ASIC2: variants seen among roughly 807,000 people sequenced by gnomAD.
The protein encoded by ASIC2 is acid sensing ion channel subunit 2.
Under a neutral mutation model 57.3 loss-of-function variants are expected in ASIC2, and 25 were observed. The ratio of observed to expected loss-of-function variants is 0.44; its 90% CI spans 0.32 to 0.61. The LOEUF (loss-of-function observed/expected upper bound fraction) is 0.61. ASIC2 is among the 20% of genes least tolerant of loss of function. The pLI, the probability that ASIC2 is intolerant of heterozygous loss-of-function variation, is 0.06. For missense variants in ASIC2, 641 were observed against 738.1 expected, an observed-to-expected ratio of 0.87 and a Z score of 1.52; for synonymous variants, 319 against 307.5, an observed-to-expected ratio of 1.04 and a Z score of -0.39.
At chr17:33,371,208 G>A (rs780424367) in intron 1 of ASIC2, among the ~76,000 whole-genome samples, 31 of 152,212 alleles carry the variant, frequency 2.0e-4, no homozygotes, top group Non-Finnish European at 3.1e-4. Flanking sequence ...GGTCTGTTTA[G>A]TAAATGTTAT....
chr17:33,130,377 G>A (rs2092341067), intron 1 of ASIC2, among the ~76,000 whole-genome samples: 1 of 152,138 alleles, frequency 6.6e-6, no homozygotes, highest in Non-Finnish European at 1.5e-5. Flanking sequence ...AATATTGTAG[G>A]ACTTGGGTGA....
At chr17:33,665,106 C>T (rs752858069) in intron 1 of ASIC2, among the ~76,000 whole-genome samples, 1 of 152,004 alleles carries the variant, frequency 6.6e-6, no homozygotes, top group South Asian at 2.1e-4. Flanking sequence ...CAAGGTCACA[C>T]GATTCCTCAA....
chr17:33,993,725 G>T, intron 1 of ASIC2, among the ~76,000 whole-genome samples: 1 of 108,834 alleles, frequency 9.2e-6, no homozygotes, highest in Admixed American at 9.6e-5. Flanking sequence ...AAGTGGGAGA[G>T]AACTGAACTG....
chr17:33,737,071 T>A (rs990663338), intron 1 of ASIC2, among the ~76,000 whole-genome samples: 37 of 152,278 alleles, frequency 2.4e-4, no homozygotes, highest in African/African-American at 8.9e-4. Flanking sequence ...AATCTATTCA[T>A]CTATTCCTGT....
intron 1 of ASIC2, among the ~76,000 whole-genome samples, chr17:34,099,112 G>A (rs62059039): frequency 0.32 from 16,844 of 52,002 alleles, 1,583 homozygotes; most frequent in South Asian, 0.45. Flanking sequence ...AAGAGAGAGA[G>A]AGAGAGAGAG....
At chr17:33,476,281 C>T (rs917767709) in intron 1 of ASIC2, among the ~76,000 whole-genome samples, 7 of 152,098 alleles carry the variant, frequency 4.6e-5, no homozygotes, top group African/African-American at 1.7e-4. Context: ...CATTTATAAT[C>T]AACATTACGC....
chr17:33,476,784 T>C (rs936426067), intron 1 of ASIC2, among the ~76,000 whole-genome samples: 2 of 151,978 alleles, frequency 1.3e-5, no homozygotes, highest in African/African-American at 4.8e-5. Context: ...CGAAGGACTG[T>C]GCACAGAAAC....
At chr17:33,423,015 C>T (rs866304974) in intron 1 of ASIC2, among the ~76,000 whole-genome samples, 1 of 152,212 alleles carries the variant, frequency 6.6e-6, no homozygotes, top group Middle Eastern at 3.4e-3. Context: ...CCTGCCATGG[C>T]CATCTGAGAT....
intron 1 of ASIC2, among the ~76,000 whole-genome samples, chr17:33,873,311 T>A (rs1914467346): frequency 6.6e-6 from 1 of 152,182 alleles, no homozygotes; most frequent in Admixed American, 6.5e-5. Context: ...ACACACAAAC[T>A]GACTTCAGAG....
At chr17:33,654,878 C>T (rs1422424575) in intron 1 of ASIC2, among the ~76,000 whole-genome samples, 4 of 152,218 alleles carry the variant, frequency 2.6e-5, no homozygotes, top group Non-Finnish European at 5.9e-5. Flanking sequence ...CCTATAAATC[C>T]TGGCACTTTG....
At chr17:33,950,402 C>T (rs912047574) in intron 1 of ASIC2, among the ~76,000 whole-genome samples, 1 of 152,222 alleles carries the variant, frequency 6.6e-6, no homozygotes, top group Non-Finnish European at 1.5e-5. Context: ...ATGCAGACCA[C>T]GTTCCCTCAG....
chr17:33,086,563 C>G (rs1425441567), intron 3 of ASIC2, among the ~76,000 whole-genome samples: 1 of 152,192 alleles, frequency 6.6e-6, no homozygotes, highest in African/African-American at 2.4e-5. Context: ...CTCTCCTTGA[C>G]CAGACTCTAG....
intron 1 of ASIC2, chr17:34,039,270 GA>G: frequency 6.2e-7 from 1 of 1,613,906 alleles, no homozygotes; most frequent in South Asian, 1.1e-5. Flanking sequence ...GCTGGATGGA[GA>G]TCTGTTTTTG....
chr17:34,059,264 A>G (rs754530065), intron 1 of ASIC2, among the ~76,000 whole-genome samples: 9 of 152,222 alleles, frequency 5.9e-5, no homozygotes, highest in Non-Finnish European at 1.3e-4. Flanking sequence ...TGTTTGTGGG[A>G]GAAGCTTCTG....
intron 1 of ASIC2, among the ~76,000 whole-genome samples, chr17:34,053,373 G>T (rs1908640502): frequency 6.6e-6 from 1 of 152,186 alleles, no homozygotes. Context: ...GTGCAAAGCT[G>T]GGTGGGTGGT....
intron 1 of ASIC2, among the ~76,000 whole-genome samples, chr17:33,476,570 TG>T (rs1487402662): frequency 6.7e-6 from 1 of 150,372 alleles, no homozygotes; most frequent in African/African-American, 2.5e-5. Context: ...TGTGTGTGTG[TG>T]TGTGTCAGTT....
chr17:33,167,263 C>T (rs1397997834), intron 1 of ASIC2, among the ~76,000 whole-genome samples: 2 of 152,138 alleles, frequency 1.3e-5, no homozygotes, highest in African/African-American at 4.8e-5. Context: ...GTGGCACCAC[C>T]CTCCCAAGTT....
At chr17:33,982,636 T>C (rs1162920280) in intron 1 of ASIC2, among the ~76,000 whole-genome samples, 2 of 152,212 alleles carry the variant, frequency 1.3e-5, no homozygotes, top group African/African-American at 4.8e-5. Flanking sequence ...AGCCTTTGCA[T>C]AGGTCGTTTC....
intron 1 of ASIC2, among the ~76,000 whole-genome samples, chr17:33,664,220 C>T (rs1422687584): frequency 6.6e-6 from 1 of 152,180 alleles, no homozygotes; most frequent in African/African-American, 2.4e-5. Flanking sequence ...GACATCTCTT[C>T]CCTGACTTTT....
Sources: allele counts gnomAD v4.1 joint callset (sites outside exome capture counted in the v4.1 genomes callset), GRCh38; gene constraint gnomAD v4.1.1; transcripts MANE v1.5; gene names NCBI Gene and HGNC (gene_info 2026-07-23, HGNC 2026-07-21).